UBR3: variants seen among roughly 807,000 people sequenced by gnomAD.
UBR3 encodes the protein ubiquitin protein ligase E3 component n-recognin 3.
Under a neutral mutation model 243.2 loss-of-function variants are expected in UBR3, and 85 were observed. That is an observed-to-expected ratio of 0.35 (90% confidence interval 0.29 to 0.42). UBR3 has a LOEUF of 0.42. Ranked by LOEUF, UBR3 falls within the 10% of genes least tolerant of loss-of-function variation. UBR3 has a pLI of 1.00. For synonymous variants in UBR3, 748 were observed against 799.8 expected, an observed-to-expected ratio of 0.94 and a Z score of 1.09; for missense variants, 1,686 against 2,300.8, an observed-to-expected ratio of 0.73 and a Z score of 5.47.
At chr2:170,005,652 A>G (rs939402428) in intron 27 of UBR3, among the ~76,000 whole-genome samples, 2 of 152,204 alleles carry the variant, frequency 1.3e-5, no homozygotes, top group Non-Finnish European at 2.9e-5. Context: ...TTGAGTTATT[A>G]CAGGACAAGG....
rs758057084 is a variant in UBR3 at position 170,080,452 on chromosome 2, C to T, written c.5410-93C>T. 750 of 1,194,782 alleles carry T rather than the reference C, an allele frequency of 6.3e-4. 10 individuals are homozygous for T. Among genetic ancestry groups the T allele is most frequent in the Non-Finnish European group, 3.5e-4 (314 of 885,978 alleles). The allele number at this position is 1,194,782 out of a possible 1,614,324, so 74.0% of individuals were successfully genotyped here. On this transcript the variant is annotated intron_variant, in intron 37 of 38. Coordinates refer to ENST00000272793, the MANE Select transcript of UBR3 (RefSeq NM_172070.4). ...AAATGAAATCTTACTATTTTTAAATCACTGTATTATTTAGAAGGCATTAAT... is the reference window on the plus strand; with the variant it reads ...AAATGAAATCTTACTATTTTTAAATTACTGTATTATTTAGAAGGCATTAAT...
chr2:169,964,774 G>A lies in UBR3; in HGVS notation c.3634+6248G>A, dbSNP rs1482273102. Reference sequence around the variant, plus strand: ...GATCATAGATTTGAATGTCATAAGTGCAAAGTTATTGACTCCATGTCCTAA... The same window carrying A: ...GATCATAGATTTGAATGTCATAAGTACAAAGTTATTGACTCCATGTCCTAA... On this transcript the variant is annotated intron_variant, in intron 24 of 38. Coordinates refer to ENST00000272793, the MANE Select transcript of UBR3 (RefSeq NM_172070.4). 3 of 432,606 alleles carry A rather than the reference G, an allele frequency of 6.9e-6. No individual in the cohort carries two copies. In the East Asian group the frequency reaches 2.1e-4, roughly 30 times the overall value. The allele number at this position is 432,606 out of a possible 1,614,324, so 26.8% of individuals were successfully genotyped here.
At chr2:170,021,335 G>A (rs143975825) in intron 30 of UBR3, among the ~76,000 whole-genome samples, 1,770 of 152,220 alleles carry the variant, frequency 0.012, 48 homozygotes, top group African/African-American at 0.039. Flanking sequence ...CAACAGAAAT[G>A]TATTTCTCAC....
chr2:169,865,315 A>T (rs2083222463), intron 1 of UBR3, among the ~76,000 whole-genome samples: 1 of 152,198 alleles, frequency 6.6e-6, no homozygotes, highest in Admixed American at 6.5e-5. Context: ...TTAAATGGTC[A>T]GTCCCCACAC....
chr2:169,897,857 TTATG>T (rs1283598426), intron 8 of UBR3, among the ~76,000 whole-genome samples: 1 of 152,192 alleles, frequency 6.6e-6, no homozygotes, highest in Non-Finnish European at 1.5e-5. Flanking sequence ...TGAATACTAT[TTATG>T]TATTGTTTCA....
chr2:169,901,773 T>G (rs1009560122), intron 8 of UBR3, among the ~76,000 whole-genome samples: 61 of 152,356 alleles, frequency 4.0e-4, no homozygotes, highest in African/African-American at 1.4e-3. Flanking sequence ...TTATACCATA[T>G]GCTTTGTGGT....
chr2:169,831,068 T>G (rs1352201894), intron 1 of UBR3, among the ~76,000 whole-genome samples: 1 of 146,800 alleles, frequency 6.8e-6, no homozygotes, highest in Non-Finnish European at 1.5e-5. Context: ...TAGGTAAGTA[T>G]TATTTTCCCA....
Position 169,987,624 on chromosome 2 carries a change from A to G in UBR3, c.3784+830A>G, listed in dbSNP as rs572054904. Among the ~76,000 whole-genome samples, 4 of 151,854 alleles carry G rather than the reference A, an allele frequency of 2.6e-5. No homozygotes were observed. In the East Asian group the frequency reaches 7.7e-4, roughly 29 times the overall value. On this transcript the variant is annotated intron_variant, in intron 25 of 38. Coordinates refer to ENST00000272793, the MANE Select transcript of UBR3 (RefSeq NM_172070.4). ...TTTAAAAGTTTGAAGGATTTGTCTG[A>G]ATGGTGTCCATTGTCTTCCATAATG...
In UBR3 at chr2:170,083,630, T is replaced by C. The variant is rs2091939188; in HGVS notation, c.*1787T>C. ...ATAATTCTACAGTTTGAAACTCTGA[T>C]GCTATATATACATGGTATAATGTAT... On this transcript the variant is annotated 3_prime_UTR_variant, in exon 39 of 39. Transcript: ENST00000272793. 1 of 152,636 alleles carries C rather than the reference T, an allele frequency of 6.6e-6. No individual in the cohort carries two copies. The allele number at this position is 152,636 out of a possible 1,614,324, so 9.5% of individuals were successfully genotyped here.
intron 11 of UBR3, among the ~76,000 whole-genome samples, chr2:169,916,830 C>T (rs977965314): frequency 2.0e-5 from 3 of 152,044 alleles, no homozygotes; most frequent in Non-Finnish European, 2.9e-5. Context: ...CTGACTCTGT[C>T]CACATCTGAT....
chr2:170,051,137 T>G (rs2091207457), intron 32 of UBR3, among the ~76,000 whole-genome samples: 1 of 152,134 alleles, frequency 6.6e-6, no homozygotes, highest in African/African-American at 2.4e-5. Context: ...CCATCTATTT[T>G]TTTTTTCCAA....
At chr2:169,942,702 A>G (rs2086638767) in intron 20 of UBR3, 68 bp downstream of exon 20, 3 of 1,366,644 alleles carry the variant, frequency 2.2e-6, no homozygotes, top group Non-Finnish European at 2.9e-6. Context: ...CCTAAAGGAT[A>G]ATATTTACAT....
At chr2:169,846,186 C>T (rs918738482) in intron 1 of UBR3, among the ~76,000 whole-genome samples, 1 of 152,100 alleles carries the variant, frequency 6.6e-6, no homozygotes, top group Non-Finnish European at 1.5e-5. Flanking sequence ...GTGGATTTGT[C>T]TCTATTTCCT....
intron 24 of UBR3, among the ~76,000 whole-genome samples, chr2:169,971,193 T>C (rs568749851): frequency 6.6e-6 from 1 of 150,704 alleles, no homozygotes; most frequent in East Asian, 1.9e-4. Flanking sequence ...TCTTGTGAAT[T>C]TGTTTGAGTT....
chr2:170,059,031 G>T (rs2091402611), intron 33 of UBR3, among the ~76,000 whole-genome samples: 1 of 151,982 alleles, frequency 6.6e-6, no homozygotes, highest in Admixed American at 6.6e-5. Context: ...TCCCCCTTAG[G>T]ATTCTTCTTA....
intron 30 of UBR3, among the ~76,000 whole-genome samples, chr2:170,022,758 A>G (rs1217465257): frequency 6.6e-6 from 1 of 152,148 alleles, no homozygotes; most frequent in African/African-American, 2.4e-5. Flanking sequence ...ATTCTACCAT[A>G]ACTGCCACTT....
At chr2:169,864,882 G>A (rs1187018068) in intron 1 of UBR3, among the ~76,000 whole-genome samples, 2 of 148,854 alleles carry the variant, frequency 1.3e-5, no homozygotes, top group African/African-American at 2.5e-5. Flanking sequence ...ACTCCAGCCC[G>A]GGTGACGGAG....
At chr2:169,946,443 C>A in intron 21 of UBR3, 51 bp downstream of exon 21, 2 of 1,012,448 alleles carry the variant, frequency 2.0e-6, no homozygotes, top group Non-Finnish European at 1.4e-6. Flanking sequence ...CCCTATCTGG[C>A]TCCAACCAAT....
rs2084974804 is a variant in UBR3 at position 169,905,359 on chromosome 2, T to C, written c.1645+66T>C. On this transcript the variant is annotated intron_variant, in intron 9 of 38. Transcript: ENST00000272793. ...ATTCCTAATGCTAAATTATTAAATATCAATTAAAATACAATAGCACATCAT... is the reference window on the plus strand; with the variant it reads ...ATTCCTAATGCTAAATTATTAAATACCAATTAAAATACAATAGCACATCAT... 6 of 1,221,886 alleles carry C rather than the reference T, an allele frequency of 4.9e-6. No individual in the cohort carries two copies. In the South Asian group the frequency reaches 1.3e-4, roughly 26 times the overall value. 75.7% of individuals were successfully genotyped at this position (1,221,886 alleles called of 1,614,324 possible).
Sources: allele counts gnomAD v4.1 joint callset (sites outside exome capture counted in the v4.1 genomes callset), GRCh38; gene constraint gnomAD v4.1.1; transcripts MANE v1.5; gene names NCBI Gene and HGNC (gene_info 2026-07-23, HGNC 2026-07-21).